Variants in NCK1 observed in about 807,000 individuals in gnomAD.
NCK1 encodes the protein SH2/SH3 adapter protein NCK1.
NCK1 carries 19 observed loss-of-function variants against 36.6 expected under a neutral mutation model. That is an observed-to-expected ratio of 0.52 (90% confidence interval 0.36 to 0.76). The LOEUF (loss-of-function observed/expected upper bound fraction) is 0.76, where lower values mean the gene tolerates loss of function less well. Among genes scored for constraint, NCK1 ranks in the 30% least tolerant of loss-of-function variants. The pLI is 0.00. For missense variants in NCK1, 358 were observed against 445.6 expected (o/e 0.80, Z 1.77); for synonymous variants, 165 against 156.0 (o/e 1.06, Z -0.43).
chr3:136,891,824 C>T (rs769161763), intron 1 of NCK1, among the ~76,000 whole-genome samples: 3 of 152,242 alleles, frequency 2.0e-5, no homozygotes, highest in Non-Finnish European at 4.4e-5. Context: ...TGTGCTTATT[C>T]ACTGTTTGCA....
At chr3:136,887,858 G>C (rs1344444662) in intron 1 of NCK1, among the ~76,000 whole-genome samples, 1 of 152,138 alleles carries the variant, frequency 6.6e-6, no homozygotes, top group African/African-American at 2.4e-5. Context: ...ATAAATGACA[G>C]AGCAAGAATT....
At chr3:136,905,967 TC>T (rs1387780009) in intron 1 of NCK1, among the ~76,000 whole-genome samples, 1 of 122,174 alleles carries the variant, frequency 8.2e-6, no homozygotes, top group Non-Finnish European at 1.7e-5. Context: ...ATTATTGTGG[TC>T]TTTTGGCGGT....
chr3:136,894,019 C>T (rs561078871), intron 1 of NCK1, among the ~76,000 whole-genome samples: 2 of 152,280 alleles, frequency 1.3e-5, no homozygotes, highest in East Asian at 1.9e-4. Flanking sequence ...TATTAGCAAG[C>T]ATGGAAATAC....
At chr3:136,904,527 G>T (rs1939631379) in intron 1 of NCK1, among the ~76,000 whole-genome samples, 1 of 152,162 alleles carries the variant, frequency 6.6e-6, no homozygotes, top group Non-Finnish European at 1.5e-5. Flanking sequence ...TCCACTGTTA[G>T]TTTGATGGGC....
intron 1 of NCK1, among the ~76,000 whole-genome samples, chr3:136,889,980 C>G (rs954741131): frequency 6.6e-6 from 1 of 152,214 alleles, no homozygotes; most frequent in Non-Finnish European, 1.5e-5. Context: ...AGCTGCCTGC[C>G]AGTCCTGCGC....
chr3:136,930,639 G>T, intron 2 of NCK1: 2 of 1,371,176 alleles, frequency 1.5e-6, no homozygotes, highest in South Asian at 1.6e-5. Context: ...TTGAAGTTGT[G>T]AATTAGATTT....
chr3:136,870,385 G>A (rs546154535), intron 1 of NCK1, among the ~76,000 whole-genome samples: 17 of 151,530 alleles, frequency 1.1e-4, no homozygotes, highest in South Asian at 2.1e-4. Context: ...ATTTTAGCAC[G>A]TATTTTCATA....
rs190254166 is a variant in NCK1 at position 136,874,649 on chromosome 3, C to A, written c.-19+12296C>A. Reference sequence around the variant, plus strand: ...ATTTCTTCCTTTCTGATAAAACTAGCGACTCCCTTTGTCTTTCTCCTGTGT... The same window carrying A: ...ATTTCTTCCTTTCTGATAAAACTAGAGACTCCCTTTGTCTTTCTCCTGTGT... On this transcript the variant is annotated intron_variant, in intron 1 of 3. Transcript: ENST00000481752. Among the ~76,000 whole-genome samples, 5 of 152,244 alleles carry A rather than the reference C, an allele frequency of 3.3e-5. No individual in the cohort carries two copies. The East Asian group carries it at 7.7e-4, about 23-fold the overall frequency.
rs994515423 is a variant in NCK1, at chr3:136,948,935, G to C, written c.*482G>C. On this transcript the variant is annotated 3_prime_UTR_variant, in exon 4 of 4. Transcript: ENST00000481752. ...AATAGCAATAATAAGTGGAAAATTA[G>C]AAATTATTTCCAGGTATTATATTTG... 1.3e-5 allele frequency: 2 copies of C among 152,352 alleles called. No individual in the cohort carries two copies. The highest frequency in any genetic ancestry group is 2.9e-5 in the Non-Finnish European group (2 of 67,886). 9.4% of individuals were successfully genotyped at this position (152,352 alleles called of 1,614,324 possible). A position where few individuals can be genotyped will look rare whatever the true frequency, so the allele number is the denominator to read the frequency against.
chr3:136,944,657 C>T (rs1432651080), intron 2 of NCK1, among the ~76,000 whole-genome samples: 1 of 152,022 alleles, frequency 6.6e-6, no homozygotes, highest in African/African-American at 2.4e-5. Context: ...GTATTAAGAT[C>T]CTAGAAGGAT....
intron 1 of NCK1, among the ~76,000 whole-genome samples, chr3:136,862,692 T>C (rs1938265966): frequency 1.3e-5 from 2 of 152,230 alleles, no homozygotes; most frequent in South Asian, 4.1e-4. Flanking sequence ...CTGGTTGACT[T>C]GTCTGTTTTC....
At chr3:136,888,427 G>A (rs1003583764) in intron 1 of NCK1, among the ~76,000 whole-genome samples, 2 of 149,590 alleles carry the variant, frequency 1.3e-5, no homozygotes, top group East Asian at 1.9e-4. Context: ...TTTTTGAGAC[G>A]GAGTCTCGCT....
chr3:136,890,899 C>A (rs1939225888), intron 1 of NCK1, among the ~76,000 whole-genome samples: 1 of 152,196 alleles, frequency 6.6e-6, no homozygotes, highest in African/African-American at 2.4e-5. Flanking sequence ...CTGCCATCCC[C>A]CCAACCTCTG....
At chr3:136,931,647 T>C (rs567507994) in intron 2 of NCK1, among the ~76,000 whole-genome samples, 14 of 152,308 alleles carry the variant, frequency 9.2e-5, no homozygotes, top group South Asian at 8.3e-4. Context: ...CACATTCTTA[T>C]TGAGAGCCTA....
rs1016111740 is a variant in NCK1, at chr3:136,879,476, A to C, written c.-19+17123A>C. Among the ~76,000 whole-genome samples the C allele has an allele frequency of 2.6e-5, 4 of 152,186 alleles. No individual in the cohort carries two copies. In the East Asian group the frequency reaches 7.7e-4, roughly 29 times the overall value. On this transcript the variant is annotated intron_variant, in intron 1 of 3. Coordinates refer to ENST00000481752, the MANE Select transcript of NCK1 (RefSeq NM_001291999.2). ...CAATTACTGTAACAGAATCTAAAATAAAGAGTTGTTTAGCCAGATATTATG... is the reference window on the plus strand; with the variant it reads ...CAATTACTGTAACAGAATCTAAAATCAAGAGTTGTTTAGCCAGATATTATG...
rs201089377 is a variant in NCK1, at chr3:136,864,932, G to GTA, written c.-19+2591_-19+2592dup. 3.1e-4 allele frequency among the ~76,000 whole-genome samples: 42 copies of GTA among 136,806 alleles called. No homozygotes were observed. The South Asian group carries it at 5.7e-3, about 19-fold the overall frequency. 89.8% of individuals were successfully genotyped at this position (136,806 alleles called of 152,430 possible). On this transcript the variant is annotated intron_variant, in intron 1 of 3. Transcript: ENST00000481752. ...GCCACCATGCCTAGCTAATTTTTTT[G>GTA]TATATATATATATTTTTCTTTTTCT... is the stretch of plus-strand genomic sequence containing the variant.
intron 1 of NCK1, among the ~76,000 whole-genome samples, chr3:136,876,707 A>AT (rs1365331314): frequency 6.6e-6 from 1 of 151,700 alleles, no homozygotes; most frequent in African/African-American, 2.4e-5. Flanking sequence ...TAAAAACTTC[A>AT]TTTTTTTCTC....
intron 3 of NCK1, among the ~76,000 whole-genome samples, chr3:136,947,992 CTT>C (rs1279426887): frequency 1.3e-5 from 2 of 151,974 alleles, no homozygotes; most frequent in Non-Finnish European, 2.9e-5. Flanking sequence ...TGTTAAGAGA[CTT>C]TTGATTATGC....
At chr3:136,883,538 C>T (rs1680246126) in intron 1 of NCK1, among the ~76,000 whole-genome samples, 1 of 152,064 alleles carries the variant, frequency 6.6e-6, no homozygotes, top group African/African-American at 2.4e-5. Context: ...TAATCTTTGT[C>T]ACAGCATTTT....
Sources: gnomAD v4.1 joint callset for allele counts (sites outside exome capture counted in the v4.1 genomes callset) on GRCh38, gnomAD v4.1.1 for gene constraint, MANE v1.5 for transcripts, NCBI Gene and HGNC (gene_info 2026-07-23, HGNC 2026-07-21) for gene names.